Variants in NINL observed in about 807,000 individuals in gnomAD.
The protein encoded by NINL is ninein like, also known as ninein-like protein.
In NINL, 153 loss-of-function variants were observed where a neutral mutation model predicts 160.3. That is an observed-to-expected ratio of 0.95 (90% CI 0.84 to 1.09). The LOEUF (loss-of-function observed/expected upper bound fraction) is 1.09, where lower values mean the gene tolerates loss of function less well. Ranked by LOEUF, NINL falls within the 50% of genes least tolerant of loss-of-function variation. The probability of loss-of-function intolerance (pLI) is 0.00; values close to 1 mark genes in which losing one functional copy is unlikely to be tolerated. For synonymous variants in NINL, 800 were observed against 734.8 expected, an observed-to-expected ratio of 1.09 and a Z score of -1.43; for missense variants, 1,829 against 1,764.0, an observed-to-expected ratio of 1.04 and a Z score of -0.66.
rs1424056034 is a variant in NINL at position 25,479,121 on chromosome 20, TCG to T, written c.2001_2002del (p.Glu668GlyfsTer39). The T allele has an allele frequency of 6.2e-7, 1 of 1,613,762 alleles. No homozygotes were observed. The highest frequency in any genetic ancestry group is 2.2e-5 in the East Asian group (1 of 44,890). Reference sequence around the variant, plus strand: ...CTTCTGACCCTCCAGCACGCTGACCTCGCGCCTGCGAGCCTGCTCCATGTCCT... The same window carrying T: ...CTTCTGACCCTCCAGCACGCTGACCTCGCCTGCGAGCCTGCTCCATGTCCT... On this transcript the variant is annotated frameshift_variant, in exon 16 of 24. Transcript: ENST00000278886. LOFTEE classifies it high-confidence loss of function.
intron 1 of NINL, among the ~76,000 whole-genome samples, chr20:25,541,551 T>C (rs1232161727): frequency 2.6e-5 from 4 of 152,264 alleles, no homozygotes; most frequent in East Asian, 1.9e-4. Flanking sequence ...GCTAGGACTA[T>C]AGCTATAGAT....
rs778559035 is a variant in NINL at position 25,462,507 on chromosome 20, T to C, written c.3458A>G (p.Asn1153Ser). The C allele has an allele frequency of 6.8e-6, 11 of 1,614,074 alleles. No homozygotes were observed. Among genetic ancestry groups the C allele is most frequent in the Middle Eastern group, 1.6e-4 (1 of 6,080 alleles). ...CTGTCCCAGTTGAAGAACCCTGACA[T>C]TGAGCTGGGATAATTGATCCTTGTA... Reference protein sequence around the residue: ...QNYKDQLSQLNVRVLQLGQEA... With the variant: ...QNYKDQLSQLSVRVLQLGQEA... Residue 1153 changes from asparagine (N) to serine (S), a missense_variant, in exon 20 of 24, where the codon AAT (asparagine) becomes AGT (serine). Transcript: ENST00000278886.
intron 16 of NINL, among the ~76,000 whole-genome samples, chr20:25,478,328 TGCTCTCCACA>T (rs1448241865): frequency 5.9e-5 from 9 of 152,300 alleles, no homozygotes; most frequent in African/African-American, 2.2e-4. Context: ...CCGGGGCCAA[TGCTCTCCACA>T]GGACAGTGGG....
chr20:25,564,521 T>C (rs1418072107), intron 1 of NINL, among the ~76,000 whole-genome samples: 2 of 152,188 alleles, frequency 1.3e-5, no homozygotes, highest in Non-Finnish European at 2.9e-5. Context: ...TTTCACCATG[T>C]TGGTCAGGCT....
At chr20:25,506,064 C>A (rs760727600) in intron 5 of NINL, among the ~76,000 whole-genome samples, 3 of 152,114 alleles carry the variant, frequency 2.0e-5, no homozygotes, top group Non-Finnish European at 4.4e-5. Flanking sequence ...GAGTTCAAGA[C>A]CAGCCTGGCC....
intron 7 of NINL, 148 bp downstream of exon 7, chr20:25,503,804 T>C (rs1238897161): frequency 1.1e-6 from 1 of 911,622 alleles, no homozygotes; most frequent in African/African-American, 1.7e-5. Context: ...TCACGTGGCC[T>C]CCCATATACA....
At chr20:25,551,735 CAG>C (rs1165731157) in intron 1 of NINL, among the ~76,000 whole-genome samples, 1 of 152,160 alleles carries the variant, frequency 6.6e-6, no homozygotes, top group Non-Finnish European at 1.5e-5. Context: ...TCTTTGAAAA[CAG>C]GGAATGGAGG....
Position 25,498,281 on chromosome 20 carries a change from C to A in NINL, c.1098G>T (p.Glu366Asp). The A allele has an allele frequency of 6.2e-7, 1 of 1,613,464 alleles. No individual in the cohort carries two copies. Among genetic ancestry groups the A allele is most frequent in the Non-Finnish European group, 8.5e-7 (1 of 1,180,026 alleles). ...GGACGGCACTGTCCACTGTCATGAGCTCGTTGTCAAGGGCCCAGGTCAGCT... is the reference window on the plus strand; with the variant it reads ...GGACGGCACTGTCCACTGTCATGAGATCGTTGTCAAGGGCCCAGGTCAGCT... ...LLELTWALDN[E>D]LMTVDSAVQQ... The change falls in exon 9 of 24, where the codon GAG becomes GAT. Residue 366 changes from glutamate (E) to aspartate (D), a missense_variant. Coordinates refer to ENST00000278886, the MANE Select transcript of NINL (RefSeq NM_025176.6).
At chr20:25,487,921 G>T (rs944343439) in intron 13 of NINL, among the ~76,000 whole-genome samples, 1 of 152,250 alleles carries the variant, frequency 6.6e-6, no homozygotes, top group Admixed American at 6.5e-5. Context: ...CACTCTTGCA[G>T]ATCTAGAGAA....
At chr20:25,497,574 ATC>A (rs1303921835) in intron 9 of NINL, among the ~76,000 whole-genome samples, 2 of 152,334 alleles carry the variant, frequency 1.3e-5, no homozygotes, top group East Asian at 3.9e-4. Context: ...CACCACGACA[ATC>A]TTTTTGCAAA....
chr20:25,564,444 T>C (rs920674290), intron 1 of NINL, among the ~76,000 whole-genome samples: 1 of 152,018 alleles, frequency 6.6e-6, no homozygotes, highest in African/African-American at 2.4e-5. Flanking sequence ...CAGCCTCCTG[T>C]GTAGCTAAGA....
chr20:25,543,134 C>A (rs1356654167), intron 1 of NINL, among the ~76,000 whole-genome samples: 1 of 152,096 alleles, frequency 6.6e-6, no homozygotes, highest in African/African-American at 2.4e-5. Context: ...GTAGATGATA[C>A]AATCTGTGTA....
At chr20:25,569,487 T>C (rs1160861831) in intron 1 of NINL, among the ~76,000 whole-genome samples, 2 of 152,198 alleles carry the variant, frequency 1.3e-5, no homozygotes, top group Non-Finnish European at 2.9e-5. Flanking sequence ...TAGGGTGGGA[T>C]GCTGGTGCAG....
intron 17 of NINL, 30 bp from the exon 18 acceptor site, chr20:25,470,125 G>C: frequency 6.4e-7 from 1 of 1,574,282 alleles, no homozygotes; most frequent in Non-Finnish European, 8.7e-7. Flanking sequence ...AGACCGGTGA[G>C]CACTTGGGGA....
intron 9 of NINL, among the ~76,000 whole-genome samples, chr20:25,497,748 C>T (rs1164480939): frequency 3.3e-5 from 5 of 152,302 alleles, no homozygotes; most frequent in African/African-American, 4.8e-5. Flanking sequence ...CCCCCTGGCG[C>T]GAGAGGCAGC....
At chr20:25,577,641 T>C (rs961898895) in intron 1 of NINL, among the ~76,000 whole-genome samples, 1 of 152,126 alleles carries the variant, frequency 6.6e-6, no homozygotes, top group Non-Finnish European at 1.5e-5. Context: ...CTGGTTCTCA[T>C]GTTTAGGGTC....
At chr20:25,584,861 C>T (rs919183147) in intron 1 of NINL, among the ~76,000 whole-genome samples, 4 of 152,364 alleles carry the variant, frequency 2.6e-5, no homozygotes, top group Non-Finnish European at 5.9e-5. Context: ...TGTGACTGCG[C>T]GCACAGGCGG....
intron 1 of NINL, among the ~76,000 whole-genome samples, chr20:25,573,296 T>TA (rs1568974055): frequency 4.8e-5 from 7 of 144,774 alleles, no homozygotes; most frequent in Non-Finnish European, 7.5e-5. Flanking sequence ...AAACTCCATC[T>TA]CAAAAAAAAA....
At position 25,476,740 on chromosome 20, in the gene NINL, G is replaced by C. The variant is rs2063258324; in HGVS notation, c.2551C>G (p.Pro851Ala). 6.2e-7 allele frequency: 1 copy of C among 1,607,396 alleles called. No individual in the cohort carries two copies. Among genetic ancestry groups the C allele is most frequent in the Non-Finnish European group, 8.5e-7 (1 of 1,179,522 alleles). ...EGTRGLLPLR[P>A]GCGERPLAWL... ...GCCAGTGGCCGCTCCCCACAGCCCG[G>C]ACGCAGTGGTAGGAGGCCACGTGTG... Residue 851 changes from proline (P) to alanine (A), a missense_variant, in exon 17 of 24, where the codon CCG becomes GCG. Coordinates refer to ENST00000278886, the MANE Select transcript of NINL (RefSeq NM_025176.6).
Sources: allele counts gnomAD v4.1 joint callset (sites outside exome capture counted in the v4.1 genomes callset), GRCh38; gene constraint gnomAD v4.1.1; transcripts MANE v1.5; gene names NCBI Gene and HGNC (gene_info 2026-07-23, HGNC 2026-07-21).